Variants in ITPR1 observed in about 807,000 individuals in gnomAD.
ITPR1 encodes inositol 1,4,5-trisphosphate-gated calcium channel ITPR1.
ITPR1 carries 96 observed loss-of-function variants against 318.4 expected under a neutral mutation model. The ratio of observed to expected loss-of-function variants is 0.30; its 90% CI spans 0.26 to 0.36. The LOEUF (loss-of-function observed/expected upper bound fraction) is 0.36. Among genes scored for constraint, ITPR1 ranks in the 10% least tolerant of loss-of-function variants. The probability of loss-of-function intolerance (pLI) is 1.00; values close to 1 mark genes in which losing one functional copy is unlikely to be tolerated. For synonymous variants in ITPR1, 1,312 were observed against 1,289.9 expected, an observed-to-expected ratio of 1.02 and a Z score of -0.37; for missense variants, 2,440 against 3,460.2, an observed-to-expected ratio of 0.71 and a Z score of 7.40.
intron 49 of ITPR1, among the ~76,000 whole-genome samples, chr3:4,782,182 G>C (rs919260305): frequency 6.6e-6 from 1 of 152,222 alleles, no homozygotes; most frequent in Non-Finnish European, 1.5e-5. Flanking sequence ...AGTTTCACCA[G>C]CTATTCCTAA....
intron 4 of ITPR1, among the ~76,000 whole-genome samples, chr3:4,574,658 A>G (rs1467438440): frequency 6.6e-6 from 1 of 152,156 alleles, no homozygotes; most frequent in African/African-American, 2.4e-5. Flanking sequence ...ACAGTCAGTT[A>G]ATTCTAAAGG....
chr3:4,738,322 G>A (rs1173061161), intron 44 of ITPR1, among the ~76,000 whole-genome samples: 1 of 152,216 alleles, frequency 6.6e-6, no homozygotes, highest in African/African-American at 2.4e-5. Flanking sequence ...ATGAGGGCAG[G>A]GAATGAGACT....
chr3:4,633,881 T>C (rs1452747763), intron 5 of ITPR1, among the ~76,000 whole-genome samples: 1 of 152,258 alleles, frequency 6.6e-6, no homozygotes, highest in African/African-American at 2.4e-5. Context: ...ATTGCTTGTT[T>C]TTAGAAGCCT....
intron 40 of ITPR1, among the ~76,000 whole-genome samples, chr3:4,723,634 G>C (rs2042314865): frequency 6.6e-6 from 1 of 151,470 alleles, no homozygotes; most frequent in Non-Finnish European, 1.5e-5. Context: ...TGGACAAAGA[G>C]AGCACAGGCA....
At chr3:4,770,796 A>T (rs1339830644) in intron 46 of ITPR1, among the ~76,000 whole-genome samples, 1 of 152,186 alleles carries the variant, frequency 6.6e-6, no homozygotes, top group East Asian at 1.9e-4. Flanking sequence ...CTTATGCCTC[A>T]AATGCTCAGG....
Position 4,645,409 on chromosome 3 carries a change from CA to C in ITPR1, c.649del (p.Ser217AlafsTer4). The part of the protein sequence containing the change: ...CNEVNSVNCN[T>X]SWKIVLFMKW... ...CAGGTCAATTCCGTCAACTGCAATA[CA>C]AGCTGGAAAATAGTCCTTTTCATGA... On this transcript the variant is annotated frameshift_variant, in exon 9 of 62. Transcript: ENST00000649015. LOFTEE classifies it high-confidence loss of function. The C allele has an allele frequency of 6.2e-7, 1 of 1,613,080 alleles. No homozygotes were observed. The highest frequency in any genetic ancestry group is 8.5e-7 in the Non-Finnish European group (1 of 1,179,216).
At chr3:4,515,132 G>A (rs1484642265) in intron 2 of ITPR1, among the ~76,000 whole-genome samples, 1 of 152,186 alleles carries the variant, frequency 6.6e-6, no homozygotes, top group Non-Finnish European at 1.5e-5. Context: ...GAGGGAAGGG[G>A]ATGACAAATC....
At chr3:4,753,228 G>A (rs2044682431) in intron 44 of ITPR1, among the ~76,000 whole-genome samples, 1 of 152,152 alleles carries the variant, frequency 6.6e-6, no homozygotes, top group African/African-American at 2.4e-5. Flanking sequence ...GCTCCACCAG[G>A]GTGATGGGCT....
intron 42 of ITPR1, 32 bp downstream of exon 42, chr3:4,727,205 CT>C: frequency 6.5e-7 from 1 of 1,535,456 alleles, no homozygotes; most frequent in South Asian, 1.2e-5. Flanking sequence ...GTATCGGGAG[CT>C]AATGATCAAT....
intron 2 of ITPR1, among the ~76,000 whole-genome samples, chr3:4,497,829 G>T (rs200338125): frequency 4.9e-5 from 1 of 20,324 alleles, no homozygotes; most frequent in African/African-American, 5.6e-4. Context: ...TGAATGAACA[G>T]ATAAAATGTG....
chr3:4,726,720 T>C (rs920762562), intron 41 of ITPR1, among the ~76,000 whole-genome samples: 1 of 152,206 alleles, frequency 6.6e-6, no homozygotes, highest in African/African-American at 2.4e-5. Flanking sequence ...CTCAGAGGCG[T>C]GTGTCTTGAT....
intron 60 of ITPR1, chr3:4,825,865 G>C (rs1559963826): frequency 2.2e-6 from 1 of 453,814 alleles, no homozygotes; most frequent in Non-Finnish European, 4.4e-6. Flanking sequence ...AGAGTTTCCT[G>C]CAGATCATGA....
chr3:4,711,640 G>C (rs538922289), intron 38 of ITPR1, 117 bp from the exon 39 acceptor site: 32 of 668,886 alleles, frequency 4.8e-5, no homozygotes, highest in Non-Finnish European at 7.2e-5. Flanking sequence ...TCTTTAACCT[G>C]AGAGCTCTTA....
intron 44 of ITPR1, among the ~76,000 whole-genome samples, chr3:4,762,533 A>G (rs143999754): frequency 1.3e-5 from 2 of 152,332 alleles, no homozygotes; most frequent in East Asian, 3.9e-4. Flanking sequence ...GATCACCTTC[A>G]CCTTGGAGTT....
chr3:4,755,022 T>C (rs916540078), intron 44 of ITPR1, among the ~76,000 whole-genome samples: 1 of 152,196 alleles, frequency 6.6e-6, no homozygotes, highest in East Asian at 1.9e-4. Context: ...CCTTAACTTC[T>C]TGTTCCTGGG....
At chr3:4,587,384 C>A (rs1175440993) in intron 4 of ITPR1, among the ~76,000 whole-genome samples, 1 of 151,170 alleles carries the variant, frequency 6.6e-6, no homozygotes, top group East Asian at 2.0e-4. Context: ...AGCAATTCTG[C>A]CTCAGCCTCC....
At chr3:4,798,013 CTA>C (rs903014191) in intron 53 of ITPR1, among the ~76,000 whole-genome samples, 3 of 152,180 alleles carry the variant, frequency 2.0e-5, no homozygotes, top group Admixed American at 6.5e-5. Flanking sequence ...GAATCTAGCA[CTA>C]TGTTTTTTAA....
At chr3:4,775,681 A>G (rs1474544313) in intron 47 of ITPR1, among the ~76,000 whole-genome samples, 4 of 152,192 alleles carry the variant, frequency 2.6e-5, no homozygotes, top group African/African-American at 7.2e-5. Context: ...GTTTGGCTTC[A>G]TTTGATTTGG....
chr3:4,732,039 G>A (rs1309749238), intron 42 of ITPR1, among the ~76,000 whole-genome samples: 2 of 152,056 alleles, frequency 1.3e-5, no homozygotes, highest in African/African-American at 4.8e-5. Flanking sequence ...CTTTGATTCC[G>A]GAAAGGAGTC....
Sources: allele counts gnomAD v4.1 joint callset (sites outside exome capture counted in the v4.1 genomes callset), GRCh38; gene constraint gnomAD v4.1.1; transcripts MANE v1.5; gene names NCBI Gene and HGNC (gene_info 2026-07-23, HGNC 2026-07-21).